The following AP1M2 variants were observed in gnomAD, a reference collection of about 807,000 sequenced individuals.
AP1M2 encodes AP-1 complex subunit mu-2.
AP1M2 carries 41 observed loss-of-function variants against 54.6 expected under a neutral mutation model. That is an observed-to-expected ratio of 0.75 (90% CI 0.59 to 0.97). The LOEUF is 0.97. Ranked by LOEUF, AP1M2 falls within the 50% of genes least tolerant of loss-of-function variation. The pLI is 0.00. For missense variants in AP1M2, 507 were observed against 561.2 expected, an observed-to-expected ratio of 0.90 and a Z score of 0.98; for synonymous variants, 219 against 215.9, an observed-to-expected ratio of 1.01 and a Z score of -0.13.
intron 10 of AP1M2, 60 bp downstream of exon 10, chr19:10,574,844 C>A: frequency 1.3e-6 from 2 of 1,537,662 alleles, no homozygotes. Context: ...AGCCAAGGGA[C>A]AGGAGAGAGG....
At chr19:10,581,199 C>T (rs1388905801) in intron 6 of AP1M2, 67 bp downstream of exon 6, 2 of 1,542,094 alleles carry the variant, frequency 1.3e-6, no homozygotes, top group East Asian at 2.3e-5. Flanking sequence ...TCTCTTAAGT[C>T]CCCACGTGGG....
chr19:10,579,390 TG>T (rs1490703379), intron 7 of AP1M2, among the ~76,000 whole-genome samples: 4 of 152,100 alleles, frequency 2.6e-5, no homozygotes, highest in Admixed American at 6.6e-5. Flanking sequence ...CACTCCAGCC[TG>T]GGTGAAAGAG....
In AP1M2 at chr19:10,581,626, G is replaced by A. The variant is rs1405061462; in HGVS notation, c.407C>T (p.Thr136Ile). ...CGTCTCCAGCTTGTTGCTCTGCTGA[G>A]TGATGTACCTGGAGGGAGGGCGGCA... ...TDSKILQEYITQQSNKLETGK... is the reference protein window; with the variant it reads ...TDSKILQEYIIQQSNKLETGK... The change falls in exon 5 of 12, where the codon ACT becomes ATT. Residue 136 changes from threonine (T) to isoleucine (I), a missense_variant. Coordinates refer to ENST00000250244, the MANE Select transcript of AP1M2 (RefSeq NM_005498.5). The A allele has an allele frequency of 2.5e-6, 4 of 1,613,978 alleles. No individual in the cohort carries two copies. The highest frequency in any genetic ancestry group is 1.1e-5 in the South Asian group (1 of 91,056).
At position 10,577,266 on chromosome 19, in the gene AP1M2, T is replaced by A; in HGVS notation, c.979A>T (p.Thr327Ser). 6.2e-7 allele frequency: 1 copy of A among 1,612,980 alleles called. No homozygotes were observed. Among genetic ancestry groups the A allele is most frequent in the Non-Finnish European group, 8.5e-7 (1 of 1,179,608 alleles). Residue 327 changes from threonine (T) to serine (S), a missense_variant, in exon 9 of 12, where the codon ACC (threonine) becomes TCC (serine). Thr to Ser is a moderately conservative substitution (Grantham distance 58). Transcript: ENST00000250244. ...ACATACTTGGCGCTGCCCACACTGG[T>A]CTTGAATCTGGGGGAGTCGGCATCG... The part of the protein sequence containing the change: ...PSDADSPRFK[T>S]SVGSAKYVPE...
Position 10,581,887 on chromosome 19 carries a change from T to C in AP1M2, c.268-9A>G. The C allele has an allele frequency of 1.3e-6, 2 of 1,589,788 alleles. No individual in the cohort carries two copies. Among genetic ancestry groups the C allele is most frequent in the Non-Finnish European group, 1.7e-6 (2 of 1,167,566 alleles). On this transcript the variant is annotated splice_polypyrimidine_tract_variant and intron_variant, in intron 3 of 11. Coordinates refer to ENST00000250244, the MANE Select transcript of AP1M2 (RefSeq NM_005498.5). ...AAGTATTCGCAGAATACCTGGGGGT[T>C]GGAGGAGAGAGAGACCCACAAAAGT...
intron 1 of AP1M2, among the ~76,000 whole-genome samples, chr19:10,586,471 A>AT (rs1176761419): frequency 2.6e-5 from 4 of 151,162 alleles, no homozygotes; most frequent in African/African-American, 9.7e-5. Flanking sequence ...AAAAAAAAAA[A>AT]AAATTAAAAA....
chr19:10,582,001 C>G, intron 3 of AP1M2, 123 bp from the exon 4 acceptor site: 1 of 1,107,906 alleles, frequency 9.0e-7, no homozygotes, highest in East Asian at 2.6e-5. Flanking sequence ...GTCATGAGTT[C>G]AAGACCAGCC....
chr19:10,582,908 C>A (rs1473911788), intron 3 of AP1M2, among the ~76,000 whole-genome samples: 1 of 151,310 alleles, frequency 6.6e-6, no homozygotes, highest in Non-Finnish European at 1.5e-5. Context: ...TCACCACAAC[C>A]TCTGCCTTCC....
intron 3 of AP1M2, among the ~76,000 whole-genome samples, chr19:10,583,131 CT>C (rs111410947): frequency 2.2e-4 from 33 of 147,050 alleles, no homozygotes; most frequent in Non-Finnish European, 1.8e-4. Flanking sequence ...TGGCCTTTTT[CT>C]TTTTTTTTTT....
chr19:10,574,595 G>A, intron 10 of AP1M2, 103 bp from the exon 11 acceptor site: 3 of 1,021,848 alleles, frequency 2.9e-6, no homozygotes, highest in Non-Finnish European at 4.3e-6. Flanking sequence ...GGCACAGGCT[G>A]GGATCGATGA....
At chr19:10,577,617 A>C (rs796481001) in intron 8 of AP1M2, among the ~76,000 whole-genome samples, 3 of 149,558 alleles carry the variant, frequency 2.0e-5, no homozygotes, top group African/African-American at 7.4e-5. Flanking sequence ...TTGTATTCTT[A>C]GTAGAGACGG....
At chr19:10,584,796 G>A (rs1917575834) in intron 1 of AP1M2, among the ~76,000 whole-genome samples, 1 of 152,064 alleles carries the variant, frequency 6.6e-6, no homozygotes, top group African/African-American at 2.4e-5. Flanking sequence ...GGAGAAGTGA[G>A]GTTAGAAACC....
At chr19:10,581,163 G>GATCT in intron 6 of AP1M2, 103 bp downstream of exon 6, 46 of 1,465,194 alleles carry the variant, frequency 3.1e-5, no homozygotes, top group Middle Eastern at 2.6e-4. Context: ...TGGTGAGCGA[G>GATCT]CGCTTATTTC....
Position 10,581,600 on chromosome 19 carries a change from C to T in AP1M2, c.433G>A (p.Gly145Ser). Residue 145 changes from glycine (G) to serine (S), a missense_variant, in exon 5 of 12, where the codon GGC becomes AGC. Coordinates refer to ENST00000250244, the MANE Select transcript of AP1M2 (RefSeq NM_005498.5). ...ITQQSNKLET[G>S]KSRVPPTVTN... ...ACAGTGGGTGGCACCCGTGACTTGC[C>T]CGTCTCCAGCTTGTTGCTCTGCTGA... 6.2e-7 allele frequency: 1 copy of T among 1,613,818 alleles called. No individual in the cohort carries two copies. Among genetic ancestry groups the T allele is most frequent in the South Asian group, 1.1e-5 (1 of 91,054 alleles).
At chr19:10,578,540 A>G (rs1317513511) in intron 8 of AP1M2, among the ~76,000 whole-genome samples, 1 of 152,030 alleles carries the variant, frequency 6.6e-6, no homozygotes, top group African/African-American at 2.4e-5. Context: ...GAGAGTTATT[A>G]TTTTATTTGA....
chr19:10,575,749 CT>C (rs1219473280), intron 9 of AP1M2, among the ~76,000 whole-genome samples: 5 of 124,356 alleles, frequency 4.0e-5, no homozygotes, highest in African/African-American at 9.4e-5. Context: ...TTTCTTTTTT[CT>C]TTTTTTTTCT....
chr19:10,577,327 C>A lies in AP1M2; in HGVS notation c.918G>T (p.Val306=). Reference sequence around the variant, plus strand: ...GCACAGATATCTCCACACCGTTGGCCACTGACTGTTTCTTAAACTGCCCCT... The same window carrying A: ...GCACAGATATCTCCACACCGTTGGCAACTGACTGTTTCTTAAACTGCCCCT... ...KAKGQFKKQS[V]ANGVEISVPV... Residue 306 remains valine, a synonymous_variant, in exon 9 of 12, where the codon GTG becomes GTT. Transcript: ENST00000250244. 6.2e-7 allele frequency: 1 copy of A among 1,610,194 alleles called. No homozygotes were observed.
chr19:10,577,382 C>A, intron 8 of AP1M2, 26 bp from the exon 9 acceptor site: 1 of 1,477,024 alleles, frequency 6.8e-7, no homozygotes, highest in Non-Finnish European at 9.2e-7. Flanking sequence ...GCATGGGGCA[C>A]GAAGAATTCG....
chr19:10,581,251 C>G lies in AP1M2; in HGVS notation c.673+15G>C. 1 of 1,604,328 alleles carries G rather than the reference C, an allele frequency of 6.2e-7. No individual in the cohort carries two copies. Among genetic ancestry groups the G allele is most frequent in the Non-Finnish European group, 8.5e-7 (1 of 1,173,802 alleles). On this transcript the variant is annotated intron_variant, in intron 6 of 11. Transcript: ENST00000250244. ...CCTGTGCATTTCTCAGAAGAAAGGT[C>G]CCCTAAATGCTTACGGCCAGTGAGC...
Sources: allele counts gnomAD v4.1 joint callset (sites outside exome capture counted in the v4.1 genomes callset), GRCh38; gene constraint gnomAD v4.1.1; transcripts MANE v1.5; gene names NCBI Gene and HGNC (gene_info 2026-07-23, HGNC 2026-07-21).